BARX2: variants seen among roughly 807,000 people sequenced by gnomAD.
The protein encoded by BARX2 is BARX homeobox 2, also known as homeobox protein BarH-like 2.
BARX2 carries 11 observed loss-of-function variants against 25.5 expected under a neutral mutation model. The observed-to-expected ratio is 0.43, with a 90% CI of 0.27 to 0.71. The LOEUF (loss-of-function observed/expected upper bound fraction) is 0.71. Ranked by LOEUF, BARX2 falls within the 30% of genes least tolerant of loss-of-function variation. The probability of loss-of-function intolerance (pLI) is 0.19; values close to 1 mark genes in which losing one functional copy is unlikely to be tolerated. For synonymous variants in BARX2, 137 were observed against 149.5 expected (o/e 0.92, Z 0.61); for missense variants, 360 against 359.9 (o/e 1.00, Z 0.00).
chr11:129,410,559 G>C (rs1463874524), intron 1 of BARX2, among the ~76,000 whole-genome samples: 3 of 152,162 alleles, frequency 2.0e-5, no homozygotes, highest in Non-Finnish European at 2.9e-5. Context: ...GAATGGGAGG[G>C]GTGTGTGGGG....
At position 129,445,647 on chromosome 11, in the gene BARX2, TTCATCAGGCCATGG is replaced by T. The variant is rs1862316846; in HGVS notation, c.573+2729_573+2742del. 2.6e-5 allele frequency among the ~76,000 whole-genome samples: 4 copies of T among 152,320 alleles called. No individual in the cohort carries two copies. The South Asian group carries it at 8.3e-4, about 32-fold the overall frequency. On this transcript the variant is annotated intron_variant, in intron 3 of 3. Transcript: ENST00000281437. ...GAGATAATTCATTGAGCATTTAACA[TTCATCAGGCCATGG>T]AGATGCAAAGATAAGACATGAGCCT...
In BARX2 at chr11:129,376,001, GC is replaced by G; in HGVS notation, c.-34del. 4 of 1,334,418 alleles carry G rather than the reference GC, an allele frequency of 3.0e-6. No homozygotes were observed. Among genetic ancestry groups the G allele is most frequent in the Non-Finnish European group, 3.9e-6 (4 of 1,037,928 alleles). 82.7% of individuals were successfully genotyped at this position (1,334,418 alleles called of 1,614,324 possible). A position where few individuals can be genotyped will look rare whatever the true frequency, so the allele number is the denominator to read the frequency against. On this transcript the variant is annotated 5_prime_UTR_variant, in exon 1 of 4. Coordinates refer to ENST00000281437, the MANE Select transcript of BARX2 (RefSeq NM_003658.5). This position sits in a 1 kb window ranked among gnomAD's most constrained non-coding sequence, Gnocchi z 4.2. ...CCCAGCGGGCCGGGCACTCGCAGCC[GC>G]GCTCGGGCCGGCGGACGCTCGCGCC... is the stretch of plus-strand genomic sequence containing the variant.
intron 1 of BARX2, among the ~76,000 whole-genome samples, chr11:129,404,233 G>A (rs1358053065): frequency 2.0e-5 from 3 of 152,336 alleles, no homozygotes; most frequent in Admixed American, 2.0e-4. Context: ...GAAAACCCCA[G>A]TCAGCTTGGA....
upstream of BARX2, among the ~76,000 whole-genome samples, chr11:129,375,754 C>G (rs962556994): frequency 6.6e-6 from 1 of 152,068 alleles, no homozygotes; most frequent in African/African-American, 2.4e-5. This position sits in a 1 kb window ranked among gnomAD's most constrained non-coding sequence, Gnocchi z 4.0. Context: ...GGCGCGGACG[C>G]CCCTCAGCAC....
chr11:129,424,050 A>G (rs905128214), intron 1 of BARX2, among the ~76,000 whole-genome samples: 2 of 152,036 alleles, frequency 1.3e-5, no homozygotes, highest in Non-Finnish European at 2.9e-5. Context: ...GGGTTTCACT[A>G]TATTGGTGAG....
chr11:129,406,460 T>A (rs923458524), intron 1 of BARX2, among the ~76,000 whole-genome samples: 1 of 152,352 alleles, frequency 6.6e-6, no homozygotes, highest in Non-Finnish European at 1.5e-5. Flanking sequence ...TATGTAGAGA[T>A]ACAAGGTGAA....
chr11:129,376,048 G>C lies in BARX2; in HGVS notation c.13G>C (p.Ala5Pro). 3 of 1,589,308 alleles carry C rather than the reference G, an allele frequency of 1.9e-6. No homozygotes were observed. Among genetic ancestry groups the C allele is most frequent in the Non-Finnish European group, 2.6e-6 (3 of 1,170,166 alleles). MHCH[A>P]ELRLSSPGQL... is the part of the protein sequence containing the mutation. ...GCGCCGGCTCACCATGCACTGCCAC[G>C]CCGAGCTGAGGCTGAGCTCGCCCGG... Residue 5 changes from alanine to proline, a missense_variant, in exon 1 of 4, where the codon GCC becomes CCC. By Grantham distance (27) the Ala-to-Pro change is conservative (BLOSUM62 -1). Transcript: ENST00000281437. The surrounding 1 kb of genome is among the most constrained non-coding windows in gnomAD (Gnocchi z 4.2).
At chr11:129,409,640 T>C (rs1004884393) in intron 1 of BARX2, among the ~76,000 whole-genome samples, 1 of 152,242 alleles carries the variant, frequency 6.6e-6, no homozygotes, top group South Asian at 2.1e-4. Context: ...TACCAGTAGC[T>C]GTTCTTTTAT....
intron 3 of BARX2, among the ~76,000 whole-genome samples, chr11:129,450,676 C>A (rs10750414): frequency 0.33 from 49,415 of 151,964 alleles, 8,541 homozygotes; most frequent in South Asian, 0.45. Flanking sequence ...AGCCTAAGGA[C>A]TTTCTGTGTC....
At chr11:129,398,870 C>T (rs1308680095) in intron 1 of BARX2, among the ~76,000 whole-genome samples, 1 of 152,150 alleles carries the variant, frequency 6.6e-6, no homozygotes, top group Non-Finnish European at 1.5e-5. Flanking sequence ...CTAAGCAGGG[C>T]AGTGAGAGAA....
chr11:129,376,181 C>A lies in BARX2; in HGVS notation c.146C>A (p.Pro49Gln), dbSNP rs577603862. Residue 49 changes from proline to glutamine, a missense_variant, in exon 1 of 4, where the codon CCG (proline) becomes CAG (glutamine). By Grantham distance (76) the Pro-to-Gln change is moderately conservative. Around this residue, in one of 3 missense-constraint regions of BARX2, gnomAD observed 240 missense variants for 228.7 expected, o/e 1.05. Transcript: ENST00000281437. The surrounding 1 kb of genome is among the most constrained non-coding windows in gnomAD (Gnocchi z 4.2). ...FEKLSLYSVC[P>Q]SLVVRPKPLH... is the part of the protein sequence containing the mutation. Reference sequence around the variant, plus strand: ...AAACTTTCCCTCTACTCCGTGTGCCCGTCGCTGGTCGTGCGACCCAAGCCC... The same window carrying A: ...AAACTTTCCCTCTACTCCGTGTGCCAGTCGCTGGTCGTGCGACCCAAGCCC... The A allele has an allele frequency of 3.5e-5, 56 of 1,611,794 alleles. No individual in the cohort carries two copies. The South Asian group carries it at 5.5e-4, about 16-fold the overall frequency.
intron 1 of BARX2, among the ~76,000 whole-genome samples, chr11:129,380,962 A>C (rs1312547280): frequency 6.6e-6 from 1 of 152,102 alleles, no homozygotes; most frequent in Non-Finnish European, 1.5e-5. Flanking sequence ...TTTTTAGTAG[A>C]GACAGGGTTT....
intron 1 of BARX2, among the ~76,000 whole-genome samples, chr11:129,416,485 T>C (rs11823076): frequency 0.11 from 16,549 of 152,274 alleles, 1,077 homozygotes; most frequent in African/African-American, 0.18. Context: ...TGGATTATCT[T>C]TGGCTATGAT....
rs759991542 is a variant in BARX2 at position 129,442,717 on chromosome 11, G to A, written c.489-118G>A. The A allele has an allele frequency of 5.8e-6, 5 of 863,460 alleles. No individual in the cohort carries two copies. In the African/African-American group the frequency reaches 8.3e-5, roughly 14 times the overall value. The allele number at this position is 863,460 out of a possible 1,614,324, so 53.5% of individuals were successfully genotyped here. A position where few individuals can be genotyped will look rare whatever the true frequency, so the allele number is the denominator to read the frequency against. ...CTTTGGGGAAGACCTCGTTTAATGG[G>A]GGAGGTCCGAGCCTTGGTAGCCAGT... On this transcript the variant is annotated intron_variant, in intron 2 of 3. Coordinates refer to ENST00000281437, the MANE Select transcript of BARX2 (RefSeq NM_003658.5).
chr11:129,403,572 A>G (rs1360261743), intron 1 of BARX2, among the ~76,000 whole-genome samples: 1 of 152,186 alleles, frequency 6.6e-6, no homozygotes, highest in African/African-American at 2.4e-5. Flanking sequence ...TTGCCATACA[A>G]CTGGCTGGCA....
chr11:129,396,665 A>G (rs543541030), intron 1 of BARX2, among the ~76,000 whole-genome samples: 4 of 152,296 alleles, frequency 2.6e-5, no homozygotes, highest in Non-Finnish European at 5.9e-5. Context: ...GCAGCTGTTC[A>G]ACAGTGCATA....
At chr11:129,392,980 CAGAT>C (rs1861680919) in intron 1 of BARX2, among the ~76,000 whole-genome samples, 3 of 151,948 alleles carry the variant, frequency 2.0e-5, no homozygotes, top group Admixed American at 1.3e-4. Flanking sequence ...GGTAAAGAGA[CAGAT>C]AGAAGGCCAG....
At chr11:129,446,774 C>T (rs1862335110) in intron 3 of BARX2, among the ~76,000 whole-genome samples, 1 of 152,144 alleles carries the variant, frequency 6.6e-6, no homozygotes. Context: ...TGGAACATCA[C>T]ATCTTCAGGC....
chr11:129,402,206 C>T (rs920129304), intron 1 of BARX2, among the ~76,000 whole-genome samples: 5 of 152,052 alleles, frequency 3.3e-5, no homozygotes, highest in South Asian at 2.1e-4. Flanking sequence ...TCGCTGTATA[C>T]CAGCAGAAGC....
Sources: allele counts gnomAD v4.1 joint callset (sites outside exome capture counted in the v4.1 genomes callset), GRCh38; gene constraint gnomAD v4.1.1; regional missense constraint gnomAD v4.1.1; non-coding constraint Gnocchi (gnomAD v3.1); transcripts MANE v1.5; gene names NCBI Gene and HGNC (gene_info 2026-07-23, HGNC 2026-07-21).